The following URM1 variants were observed in gnomAD, a reference collection of about 807,000 sequenced individuals.
URM1 encodes the protein ubiquitin-related modifier 1.
URM1 carries 11 observed loss-of-function variants against 17.7 expected under a neutral mutation model. The observed-to-expected ratio is 0.62, with a 90% CI of 0.39 to 1.03. The LOEUF is 1.03. URM1 is among the 50% of genes least tolerant of loss of function. The probability of loss-of-function intolerance (pLI) is 0.00; values close to 1 mark genes in which losing one functional copy is unlikely to be tolerated. For synonymous variants in URM1, 48 were observed against 50.6 expected (o/e 0.95, Z 0.22); for missense variants, 128 against 129.2 (o/e 0.99, Z 0.04).
chr9:128,391,863 C>G lies in URM1; in HGVS notation c.*2129C>G, dbSNP rs1158804157. ...TTGGCCATGTCCAAGGCACACCAGA[C>G]GATTTCAGGTCATTTTTAGCCCTAG... On this transcript the variant is annotated 3_prime_UTR_variant, in exon 5 of 5. Transcript: ENST00000372853. 6.6e-6 allele frequency: 1 copy of G among 152,198 alleles called. No homozygotes were observed. The highest frequency in any genetic ancestry group is 1.5e-5 in the Non-Finnish European group (1 of 68,044). The allele number at this position is 152,198 out of a possible 1,614,324, so 9.4% of individuals were successfully genotyped here.
intron 4 of URM1, 72 bp from the exon 5 acceptor site, chr9:128,389,593 GT>G: frequency 6.2e-7 from 1 of 1,602,260 alleles, no homozygotes; most frequent in East Asian, 2.3e-5. Flanking sequence ...CTCAGCCCCT[GT>G]TCTCCCAACT....
In URM1 at chr9:128,389,655, T is replaced by A; in HGVS notation, c.238-11T>A. On this transcript the variant is annotated splice_polypyrimidine_tract_variant and intron_variant, in intron 4 of 4. Transcript: ENST00000372853. Reference sequence around the variant, plus strand: ...CCTGAGGGTCTCCCGCTCCCCTCTCTCCCGCACCAGGGTGAGCTGGACTAC... The same window carrying A: ...CCTGAGGGTCTCCCGCTCCCCTCTCACCCGCACCAGGGTGAGCTGGACTAC... 1 of 1,613,444 alleles carries A rather than the reference T, an allele frequency of 6.2e-7. No homozygotes were observed.
chr9:128,386,540 G>A (rs1833229885), intron 2 of URM1, among the ~76,000 whole-genome samples: 1 of 152,262 alleles, frequency 6.6e-6, no homozygotes, highest in East Asian at 1.9e-4. Flanking sequence ...TTGGCACCAA[G>A]CAAAGTGGAC....
At chr9:128,389,041 T>C in intron 3 of URM1, 1 of 1,355,050 alleles carries the variant, frequency 7.4e-7, no homozygotes, top group East Asian at 2.7e-5. Flanking sequence ...CTGGCTGGCA[T>C]TTGCACCCAT....
intron 3 of URM1, chr9:128,388,535 G>A (rs1298705897): frequency 3.0e-6 from 3 of 985,834 alleles, no homozygotes; most frequent in South Asian, 4.7e-5. Flanking sequence ...TATTTGCCTC[G>A]AAGCATAGGT....
chr9:128,382,168 C>T (rs2131296019), intron 2 of URM1, among the ~76,000 whole-genome samples: 1 of 152,258 alleles, frequency 6.6e-6, no homozygotes. Context: ...CACAATGGCC[C>T]ACTTAGTCTT....
chr9:128,388,277 G>T, intron 3 of URM1: 1 of 1,071,622 alleles, frequency 9.3e-7, no homozygotes, highest in South Asian at 3.3e-5. Context: ...TTATTTCATT[G>T]TAATTTAAAT....
At position 128,391,754 on chromosome 9, in the gene URM1, A is replaced by AT. The variant is rs1833318914; in HGVS notation, c.*2022dup. On this transcript the variant is annotated 3_prime_UTR_variant, in exon 5 of 5. Transcript: ENST00000372853. ...ATATCCCTTCTCCCAGCACACCCCA[A>AT]TTAATACTGAAGAGTAGGGCAGGAG... 6.6e-6 allele frequency: 1 copy of AT among 152,212 alleles called. No individual in the cohort carries two copies. Among genetic ancestry groups the AT allele is most frequent in the Non-Finnish European group, 1.5e-5 (1 of 68,040 alleles). The allele number at this position is 152,212 out of a possible 1,614,324, so 9.4% of individuals were successfully genotyped here.
At chr9:128,380,618 A>ATTTTCTTTTTTTTTT (rs1833146035) in intron 2 of URM1, among the ~76,000 whole-genome samples, 1 of 148,766 alleles carries the variant, frequency 6.7e-6, no homozygotes, top group African/African-American at 2.5e-5. Context: ...AAACCCACAA[A>ATTTTCTTTTTTTTTT]TTTTCTTTTT....
At chr9:128,384,544 G>A (rs904437870) in intron 2 of URM1, among the ~76,000 whole-genome samples, 14 of 152,126 alleles carry the variant, frequency 9.2e-5, no homozygotes, top group Middle Eastern at 3.2e-3. Context: ...AACCCCAGCC[G>A]GTCCCAGCAC....
chr9:128,383,095 T>C (rs1023261479), intron 2 of URM1, among the ~76,000 whole-genome samples: 1 of 152,158 alleles, frequency 6.6e-6, no homozygotes, highest in African/African-American at 2.4e-5. Flanking sequence ...CTGCTTAGCA[T>C]GCATTTCACA....
chr9:128,389,441 G>A, intron 4 of URM1, 132 bp downstream of exon 4: 1 of 1,582,872 alleles, frequency 6.3e-7, no homozygotes, highest in East Asian at 2.3e-5. Context: ...CCACACTGAG[G>A]CTGCTGGAGT....
intron 2 of URM1, among the ~76,000 whole-genome samples, chr9:128,384,342 C>A (rs954786859): frequency 6.6e-6 from 1 of 152,174 alleles, no homozygotes; most frequent in African/African-American, 2.4e-5. Flanking sequence ...GCAGCCTGGC[C>A]GCCAGCACCT....
At position 128,390,800 on chromosome 9, in the gene URM1, A is replaced by C. The variant is rs1026628212; in HGVS notation, c.*1066A>C. 3 of 152,622 alleles carry C rather than the reference A, an allele frequency of 2.0e-5. No homozygotes were observed. The highest frequency in any genetic ancestry group is 6.5e-5 in the Admixed American group (1 of 15,300). The allele number at this position is 152,622 out of a possible 1,614,324, so 9.5% of individuals were successfully genotyped here. The stretch of plus-strand genomic sequence containing the variant: ...CATATCCCCCCAGCCGTGGTCTGTG[A>C]TACAACCTCTCCATCCTCAGCCTAG... On this transcript the variant is annotated 3_prime_UTR_variant, in exon 5 of 5. Transcript: ENST00000372853.
At position 128,385,646 on chromosome 9, in the gene URM1, G is replaced by A. The variant is rs527312031; in HGVS notation, c.107-2170G>A. ...CCTCCCCTGGGCGCCTTTGGAAGCC[G>A]ACCATCTGGCTTGGAGGCTATTTGC... On this transcript the variant is annotated intron_variant, in intron 2 of 4. Coordinates refer to ENST00000372853, the MANE Select transcript of URM1 (RefSeq NM_030914.4). Among the ~76,000 whole-genome samples, 25 of 152,124 alleles carry A rather than the reference G, an allele frequency of 1.6e-4. 1 individual carries two copies. The South Asian group carries it at 2.9e-3, about 18-fold the overall frequency.
chr9:128,391,343 T>C lies in URM1; in HGVS notation c.*1609T>C, dbSNP rs1588590901. ...GGCTTTTCTCCAGGACTACTGCAGG[T>C]AGAGACCCTCTGGGCTTGTGTGGAG... On this transcript the variant is annotated 3_prime_UTR_variant, in exon 5 of 5. Coordinates refer to ENST00000372853, the MANE Select transcript of URM1 (RefSeq NM_030914.4). The C allele has an allele frequency of 6.6e-6, 1 of 152,254 alleles. No individual in the cohort carries two copies. The highest frequency in any genetic ancestry group is 2.4e-5 in the African/African-American group (1 of 41,392). The allele number at this position is 152,254 out of a possible 1,614,324, so 9.4% of individuals were successfully genotyped here.
intron 1 of URM1, among the ~76,000 whole-genome samples, chr9:128,376,357 G>A (rs1309834598): frequency 6.6e-6 from 1 of 151,884 alleles, no homozygotes; most frequent in Non-Finnish European, 1.5e-5. Context: ...GTGAGACCTT[G>A]TCTCAAAAAA....
rs1423673778 is a variant in URM1, at chr9:128,391,014, C to T, written c.*1280C>T. 1 of 152,358 alleles carries T rather than the reference C, an allele frequency of 6.6e-6. No individual in the cohort carries two copies. The highest frequency in any genetic ancestry group is 2.4e-5 in the African/African-American group (1 of 41,452). 9.4% of individuals were successfully genotyped at this position (152,358 alleles called of 1,614,324 possible). On this transcript the variant is annotated 3_prime_UTR_variant, in exon 5 of 5. Transcript: ENST00000372853. ...TTGTCCCACCAGCTGCAGCCAGCAG[C>T]CTCAGAACCCAAAATGAGGGTAGCA...
rs574075510 is a variant in URM1 at position 128,389,792 on chromosome 9, C to T, written c.*58C>T. 1.9e-6 allele frequency: 3 copies of T among 1,608,130 alleles called. No homozygotes were observed. Among genetic ancestry groups the T allele is most frequent in the South Asian group, 1.1e-5 (1 of 90,548 alleles). On this transcript the variant is annotated 3_prime_UTR_variant, in exon 5 of 5. Coordinates refer to ENST00000372853, the MANE Select transcript of URM1 (RefSeq NM_030914.4). ...GGGAGAACGAAGCAATCAGACATCC[C>T]CTTGGGCCCTGCTTCCAGGTCTCCC...
Sources: gnomAD v4.1 joint callset for allele counts (sites outside exome capture counted in the v4.1 genomes callset) on GRCh38, gnomAD v4.1.1 for gene constraint, MANE v1.5 for transcripts, NCBI Gene and HGNC (gene_info 2026-07-23, HGNC 2026-07-21) for gene names.